DAAM1: variants seen among roughly 807,000 people sequenced by gnomAD.
The protein encoded by DAAM1 is dishevelled associated activator of morphogenesis 1.
In DAAM1, 52 loss-of-function variants were observed where a neutral mutation model predicts 130.0. That is an observed-to-expected ratio of 0.40 (90% CI 0.32 to 0.50). The LOEUF (loss-of-function observed/expected upper bound fraction) is 0.50. DAAM1 is among the 20% of genes least tolerant of loss of function. DAAM1 has a pLI of 0.61. For missense variants in DAAM1, 1,134 were observed against 1,303.8 expected (o/e 0.87, Z 2.01); for synonymous variants, 452 against 444.5 (o/e 1.02, Z -0.21).
intron 1 of DAAM1, among the ~76,000 whole-genome samples, chr14:59,259,416 G>C (rs7150479): frequency 0.48 from 72,360 of 152,006 alleles, 17,798 homozygotes; most frequent in Non-Finnish European, 0.54. Context: ...GTAGGACCCT[G>C]CATGAGCTGG....
intron 19 of DAAM1, among the ~76,000 whole-genome samples, chr14:59,354,290 G>C (rs1338411578): frequency 1.3e-5 from 2 of 152,170 alleles, no homozygotes; most frequent in Non-Finnish European, 2.9e-5. Context: ...TCAATCTCCT[G>C]ACCTCGTGAT....
intron 1 of DAAM1, among the ~76,000 whole-genome samples, chr14:59,200,327 C>T: frequency 6.6e-6 from 1 of 152,124 alleles, no homozygotes; most frequent in Non-Finnish European, 1.5e-5. Context: ...GGAAGGCCAA[C>T]TCTGTCATTA....
At chr14:59,360,076 C>A (rs953518243) in intron 21 of DAAM1, among the ~76,000 whole-genome samples, 1 of 152,070 alleles carries the variant, frequency 6.6e-6, no homozygotes, top group Non-Finnish European at 1.5e-5. Context: ...GTATAATGAG[C>A]AGGCTCATTT....
At chr14:59,263,898 T>C in intron 2 of DAAM1, 1 of 555,526 alleles carries the variant, frequency 1.8e-6, no homozygotes, top group Non-Finnish European at 3.2e-6. Context: ...GGTGGAGGGA[T>C]TTAGACCTTC....
intron 1 of DAAM1, among the ~76,000 whole-genome samples, chr14:59,230,382 C>A (rs972101429): frequency 6.6e-6 from 1 of 151,768 alleles, no homozygotes; most frequent in Non-Finnish European, 1.5e-5. Context: ...TAACATGGAG[C>A]CTCTTCCTGG....
chr14:59,289,783 T>TATATATAA (rs966292211), intron 2 of DAAM1, among the ~76,000 whole-genome samples: 4 of 135,296 alleles, frequency 3.0e-5, no homozygotes, highest in South Asian at 2.2e-4. Context: ...TATATATATA[T>TATATATAA]AATGGAATGC....
At chr14:59,304,564 A>G (rs1884304292) in intron 3 of DAAM1, among the ~76,000 whole-genome samples, 1 of 152,224 alleles carries the variant, frequency 6.6e-6, no homozygotes, top group African/African-American at 2.4e-5. Flanking sequence ...TGACTTGTGT[A>G]GTATCCTTTT....
chr14:59,259,968 C>T lies in DAAM1; in HGVS notation c.-37-3473C>T, dbSNP rs548991493. Among the ~76,000 whole-genome samples the T allele has an allele frequency of 2.4e-4, 36 of 152,144 alleles. 1 individual carries two copies. In the East Asian group the frequency reaches 3.9e-3, roughly 16 times the overall value. ...CTGAGGCAGGAGAATGGCGTGAACCCGGGAGGCGGAGCTTGCAGTGAGCTG... is the reference window on the plus strand; with the variant it reads ...CTGAGGCAGGAGAATGGCGTGAACCTGGGAGGCGGAGCTTGCAGTGAGCTG... On this transcript the variant is annotated intron_variant, in intron 1 of 24. Coordinates refer to ENST00000360909, the MANE Select transcript of DAAM1 (RefSeq NM_001270520.2).
intron 2 of DAAM1, among the ~76,000 whole-genome samples, chr14:59,282,531 A>G (rs1194172422): frequency 2.6e-5 from 4 of 152,136 alleles, no homozygotes; most frequent in African/African-American, 9.7e-5. Flanking sequence ...GCTAAGAGAC[A>G]CTCAGTAGAT....
At position 59,369,749 on chromosome 14, in the gene DAAM1, T is replaced by A; in HGVS notation, c.*890T>A. ...GAAGAATTCTCTGAAGGGATAAAGA[T>A]TACTAAAAAAAAAAAAAAAAAAAAA... On this transcript the variant is annotated 3_prime_UTR_variant, in exon 25 of 25. Transcript: ENST00000360909. 1.1e-5 allele frequency: 1 copy of A among 89,068 alleles called. No homozygotes were observed. 5.5% of individuals were successfully genotyped at this position (89,068 alleles called of 1,614,324 possible).
intron 1 of DAAM1, among the ~76,000 whole-genome samples, chr14:59,242,589 C>T (rs556901579): frequency 1.2e-4 from 18 of 152,258 alleles, no homozygotes; most frequent in Middle Eastern, 3.4e-3. Context: ...GACAGAGTCT[C>T]GCTCTATCCC....
At chr14:59,338,203 A>G (rs188071225) in intron 15 of DAAM1, among the ~76,000 whole-genome samples, 120 of 152,258 alleles carry the variant, frequency 7.9e-4, no homozygotes, top group African/African-American at 2.8e-3. Context: ...TGTGCTCTTC[A>G]TGGTATTCAG....
intron 1 of DAAM1, among the ~76,000 whole-genome samples, chr14:59,226,685 G>C (rs764692156): frequency 2.0e-5 from 3 of 152,126 alleles, no homozygotes; most frequent in Non-Finnish European, 4.4e-5. Context: ...GCAATTTAAC[G>C]TGCTTATTCA....
intron 20 of DAAM1, among the ~76,000 whole-genome samples, chr14:59,355,660 AC>A (rs1886452488): frequency 1.3e-5 from 2 of 152,162 alleles, no homozygotes; most frequent in Admixed American, 1.3e-4. Context: ...ATTATAATAT[AC>A]TAAGAAGAGG....
intron 2 of DAAM1, among the ~76,000 whole-genome samples, chr14:59,273,498 A>T (rs571415753): frequency 6.6e-6 from 1 of 152,320 alleles, no homozygotes; most frequent in Non-Finnish European, 1.5e-5. Context: ...ATGGCTATGG[A>T]TCCTCTTGGT....
chr14:59,329,437 T>A (rs1885335556), intron 12 of DAAM1, among the ~76,000 whole-genome samples: 1 of 152,166 alleles, frequency 6.6e-6, no homozygotes, highest in Non-Finnish European at 1.5e-5. Context: ...TTTTAGTGGC[T>A]TGAACTCCTC....
chr14:59,306,760 G>A (rs1884395098), intron 3 of DAAM1, among the ~76,000 whole-genome samples: 1 of 152,072 alleles, frequency 6.6e-6, no homozygotes, highest in Non-Finnish European at 1.5e-5. Context: ...ATTCCTGAGG[G>A]GGATAGAGGA....
Position 59,330,679 on chromosome 14 carries a change from G to T in DAAM1, c.1551G>T (p.Glu517Asp). The change falls in exon 13 of 25, where the codon GAG becomes GAT. Residue 517 changes from glutamate (E) to aspartate (D), a missense_variant. This residue lies in a region of DAAM1 where 644 missense variants were observed against 695.9 expected (regional missense o/e 0.93). Coordinates refer to ENST00000360909, the MANE Select transcript of DAAM1 (RefSeq NM_001270520.2). ...QVADLTAQLH[E>D]LSRRAVCASI... ...CGGACCTCACAGCACAGCTCCATGAGCTCAGCAGGGTGAGGTCTTCCGCTC... is the reference window on the plus strand; with the variant it reads ...CGGACCTCACAGCACAGCTCCATGATCTCAGCAGGGTGAGGTCTTCCGCTC... The T allele has an allele frequency of 1.2e-6, 2 of 1,609,850 alleles. No homozygotes were observed. Among genetic ancestry groups the T allele is most frequent in the Non-Finnish European group, 1.7e-6 (2 of 1,178,390 alleles).
At position 59,346,659 on chromosome 14, in the gene DAAM1, C is replaced by G. The variant is rs8007634; in HGVS notation, c.2076-880C>G. Among the ~76,000 whole-genome samples the G allele has an allele frequency of 6.3e-3, 966 of 152,148 alleles. 12 individuals carry two copies. The highest frequency in any genetic ancestry group is 0.021 in the African/African-American group (859 of 41,548). Reference sequence around the variant, plus strand: ...TTACAAATTAAACAAAGGAGTGAGTCTCTTGTTGCAGCTAATAATGTGATC... The same window carrying G: ...TTACAAATTAAACAAAGGAGTGAGTGTCTTGTTGCAGCTAATAATGTGATC... On this transcript the variant is annotated intron_variant, in intron 16 of 24. Transcript: ENST00000360909.
Sources: allele counts gnomAD v4.1 joint callset (sites outside exome capture counted in the v4.1 genomes callset), GRCh38; gene constraint gnomAD v4.1.1; regional missense constraint gnomAD v4.1.1; transcripts MANE v1.5; gene names NCBI Gene and HGNC (gene_info 2026-07-23, HGNC 2026-07-21).